The following TNS3 variants were observed in gnomAD, a reference collection of about 807,000 sequenced individuals.
The protein encoded by TNS3 is tensin-3.
A neutral mutation model predicts 140.9 loss-of-function variants in TNS3; 45 were observed. The ratio of observed to expected loss-of-function variants is 0.32; its 90% CI spans 0.25 to 0.41. The LOEUF is 0.41. Ranked by LOEUF, TNS3 falls within the 10% of genes least tolerant of loss-of-function variation. TNS3 has a pLI of 1.00. For missense variants in TNS3, 1,716 were observed against 1,906.7 expected (o/e 0.90, Z 1.86); for synonymous variants, 815 against 788.4 (o/e 1.03, Z -0.56).
intron 4 of TNS3, among the ~76,000 whole-genome samples, chr7:47,461,634 T>C (rs1279130721): frequency 6.6e-6 from 1 of 152,284 alleles, no homozygotes; most frequent in East Asian, 1.9e-4. Flanking sequence ...AGTCCCGCAC[T>C]GTGTTTCTTC....
At chr7:47,282,382 A>G (rs543535122) in intron 28 of TNS3, among the ~76,000 whole-genome samples, 1 of 150,322 alleles carries the variant, frequency 6.7e-6, no homozygotes, top group African/African-American at 2.5e-5. Flanking sequence ...CCCTGAGTCC[A>G]CCAAACAGCA....
chr7:47,318,397 T>C (rs1201750406), intron 20 of TNS3, among the ~76,000 whole-genome samples: 1 of 152,218 alleles, frequency 6.6e-6, no homozygotes, highest in Admixed American at 6.5e-5. Context: ...CCTCTCTTGT[T>C]CCTTTAGCCA....
Position 47,277,408 on chromosome 7 carries a change from G to A in TNS3, c.*668C>T, listed in dbSNP as rs1203749866. ...CCCAGCTCACCACAGGTGAGCAGGA[G>A]GCACAGAGCACTCACCATGGTGGGG... On this transcript the variant is annotated 3_prime_UTR_variant, in exon 31 of 31. Transcript: ENST00000311160. 3 of 153,124 alleles carry A rather than the reference G, an allele frequency of 2.0e-5. No homozygotes were observed. Among genetic ancestry groups the A allele is most frequent in the East Asian group, 1.9e-4 (1 of 5,170 alleles). The allele number at this position is 153,124 out of a possible 1,614,324, so 9.5% of individuals were successfully genotyped here. A position where few individuals can be genotyped will look rare whatever the true frequency, so the allele number is the denominator to read the frequency against.
intron 2 of TNS3, among the ~76,000 whole-genome samples, chr7:47,518,995 A>ACTC (rs199700713): frequency 0.01 from 1,577 of 152,326 alleles, 18 homozygotes; most frequent in African/African-American, 0.036. Context: ...TGAAGCACTC[A>ACTC]AGAGCTGACA....
At chr7:47,485,385 C>A (rs1274315079) in intron 3 of TNS3, among the ~76,000 whole-genome samples, 1 of 152,222 alleles carries the variant, frequency 6.6e-6, no homozygotes, top group East Asian at 1.9e-4. Context: ...TGAGAAGCTG[C>A]GTCTCAGAGA....
chr7:47,492,902 C>G (rs1273142038), intron 3 of TNS3, among the ~76,000 whole-genome samples: 1 of 152,232 alleles, frequency 6.6e-6, no homozygotes, highest in Non-Finnish European at 1.5e-5. Flanking sequence ...AGAGCCAAGG[C>G]CCGTTCATCA....
At chr7:47,535,062 G>T (rs1447459330) in intron 1 of TNS3, among the ~76,000 whole-genome samples, 1 of 152,222 alleles carries the variant, frequency 6.6e-6, no homozygotes, top group Non-Finnish European at 1.5e-5. Context: ...GCAGTTATTT[G>T]TTTATATGCC....
intron 13 of TNS3, among the ~76,000 whole-genome samples, chr7:47,409,718 C>T (rs958574317): frequency 2.0e-5 from 3 of 151,908 alleles, no homozygotes; most frequent in African/African-American, 7.3e-5. Flanking sequence ...AGTGCAGTAG[C>T]GCAATTTTGG....
chr7:47,472,642 C>T (rs1176680023), intron 4 of TNS3, among the ~76,000 whole-genome samples: 1 of 152,194 alleles, frequency 6.6e-6, no homozygotes, highest in Non-Finnish European at 1.5e-5. Flanking sequence ...GGACTAGAGG[C>T]GTCTAGACCA....
chr7:47,507,225 G>C (rs574695087), intron 2 of TNS3, among the ~76,000 whole-genome samples: 1 of 152,264 alleles, frequency 6.6e-6, no homozygotes, highest in South Asian at 2.1e-4. Context: ...GAGCAGATTG[G>C]TTTTTCAAGG....
chr7:47,478,411 T>TAC (rs10531755), intron 4 of TNS3, among the ~76,000 whole-genome samples: 166 of 148,976 alleles, frequency 1.1e-3, no homozygotes, highest in African/African-American at 2.7e-3. Context: ...CTCAGGGAAA[T>TAC]ACACACACAC....
intron 17 of TNS3, among the ~76,000 whole-genome samples, chr7:47,358,437 A>G (rs1176564033): frequency 2.0e-5 from 3 of 152,166 alleles, no homozygotes; most frequent in African/African-American, 4.8e-5. Context: ...GCGCCTGGCC[A>G]ACATTTCCTC....
At chr7:47,436,723 T>C (rs984751103) in intron 7 of TNS3, among the ~76,000 whole-genome samples, 1 of 152,176 alleles carries the variant, frequency 6.6e-6, no homozygotes, top group African/African-American at 2.4e-5. Context: ...GTCTCTTGTT[T>C]GTGGTGGCTT....
In TNS3 at chr7:47,404,962, C is replaced by T. The variant is rs145266228; in HGVS notation, c.724-4048G>A. On this transcript the variant is annotated intron_variant, in intron 13 of 30. Coordinates refer to ENST00000311160, the MANE Select transcript of TNS3 (RefSeq NM_022748.12). ...TGGACAAGTTGCTGGTGACCAGGAA[C>T]GGAGCCCTGCCTTGACCTCATTTGC... Among the ~76,000 whole-genome samples, 1,249 of 152,284 alleles carry T rather than the reference C, an allele frequency of 8.2e-3. 19 individuals carry two copies. Among genetic ancestry groups the T allele is most frequent in the African/African-American group, 0.028 (1,180 of 41,548 alleles).
At chr7:47,493,467 G>T (rs1797886704) in intron 3 of TNS3, among the ~76,000 whole-genome samples, 1 of 152,126 alleles carries the variant, frequency 6.6e-6, no homozygotes, top group Non-Finnish European at 1.5e-5. Context: ...TGGCAAGAGT[G>T]TTTAACAATC....
chr7:47,358,258 C>T (rs1790112342), intron 17 of TNS3, among the ~76,000 whole-genome samples: 1 of 152,110 alleles, frequency 6.6e-6, no homozygotes, highest in Non-Finnish European at 1.5e-5. Flanking sequence ...CTGCCTCAGC[C>T]TCCCGAGTAG....
At chr7:47,538,757 G>A (rs1799694279) in intron 1 of TNS3, among the ~76,000 whole-genome samples, 1 of 152,118 alleles carries the variant, frequency 6.6e-6, no homozygotes, top group Non-Finnish European at 1.5e-5. Flanking sequence ...ATCATCACCT[G>A]GCAGACAAGC....
intron 1 of TNS3, among the ~76,000 whole-genome samples, chr7:47,576,221 T>C (rs1332925803): frequency 6.6e-6 from 1 of 152,142 alleles, no homozygotes; most frequent in Non-Finnish European, 1.5e-5. Flanking sequence ...CACAAGGTGC[T>C]TTTCAGGCCC....
chr7:47,384,249 G>C (rs1434231499), intron 16 of TNS3, among the ~76,000 whole-genome samples: 1 of 152,256 alleles, frequency 6.6e-6, no homozygotes, highest in Non-Finnish European at 1.5e-5. Flanking sequence ...GCCCGTCCCA[G>C]GGGGTCTCTG....
Sources: allele counts gnomAD v4.1 joint callset (sites outside exome capture counted in the v4.1 genomes callset), GRCh38; gene constraint gnomAD v4.1.1; transcripts MANE v1.5; gene names NCBI Gene and HGNC (gene_info 2026-07-23, HGNC 2026-07-21).